BCL2L13: variants seen among roughly 807,000 people sequenced by gnomAD.
BCL2L13 encodes BCL2 like 13.
A neutral mutation model predicts 25.8 loss-of-function variants in BCL2L13; 13 were observed. That is an observed-to-expected ratio of 0.50 (90% CI 0.33 to 0.80). The LOEUF is 0.80. Ranked by LOEUF, BCL2L13 falls within the 30% of genes least tolerant of loss-of-function variation. BCL2L13 has a pLI of 0.02. For missense variants in BCL2L13, 504 were observed against 574.9 expected, an observed-to-expected ratio of 0.88 and a Z score of 1.26; for synonymous variants, 244 against 230.3, an observed-to-expected ratio of 1.06 and a Z score of -0.54.
At chr22:17,646,948 TATATA>T (rs1568923687) in intron 1 of BCL2L13, among the ~76,000 whole-genome samples, 5 of 36,752 alleles carry the variant, frequency 1.4e-4, no homozygotes, top group African/African-American at 4.7e-4. Flanking sequence ...TATATATATA[TATATA>T]TATTTTTTTT....
At chr22:17,696,074 A>G (rs964639768) in intron 4 of BCL2L13, 67 bp from the exon 5 acceptor site, 2 of 1,127,742 alleles carry the variant, frequency 1.8e-6, no homozygotes, top group Admixed American at 1.7e-5. Flanking sequence ...GTGACTGTAT[A>G]TGTATTCATC....
At chr22:17,645,378 C>T (rs558754637) in intron 1 of BCL2L13, among the ~76,000 whole-genome samples, 1 of 150,088 alleles carries the variant, frequency 6.7e-6, no homozygotes, top group Non-Finnish European at 1.5e-5. Context: ...CACACCATCA[C>T]GCCTGGCTAA....
chr22:17,649,413 G>A (rs896534065), intron 1 of BCL2L13, among the ~76,000 whole-genome samples: 2 of 151,574 alleles, frequency 1.3e-5, no homozygotes, highest in African/African-American at 4.9e-5. Context: ...TTAATTTAAA[G>A]CATTTATTCA....
chr22:17,715,122 T>TTATATATATATATA (rs1371492072), intron 6 of BCL2L13, among the ~76,000 whole-genome samples: 16 of 52,966 alleles, frequency 3.0e-4, no homozygotes, highest in Non-Finnish European at 4.7e-4. Flanking sequence ...AGTGTTAATT[T>TTATATATATATATA]TATATATATA....
At chr22:17,713,958 C>T (rs957409452) in intron 6 of BCL2L13, among the ~76,000 whole-genome samples, 1 of 150,912 alleles carries the variant, frequency 6.6e-6, no homozygotes, top group African/African-American at 2.4e-5. Context: ...CTGGCCAACA[C>T]CATGGTGATA....
At chr22:17,629,682 C>T (rs1601409884) in intron 1 of BCL2L13, among the ~76,000 whole-genome samples, 1 of 152,040 alleles carries the variant, frequency 6.6e-6, no homozygotes, top group African/African-American at 2.4e-5. Flanking sequence ...CTATGGTTAC[C>T]CACCATTTTT....
At chr22:17,631,683 TATATATATATATATATATATA>T (rs1601420065) in intron 1 of BCL2L13, among the ~76,000 whole-genome samples, 2 of 31,830 alleles carry the variant, frequency 6.3e-5, no homozygotes, top group African/African-American at 1.6e-4. Context: ...TATATATATA[TATATATATATATATATATATA>T]TATTTTTTTT....
At chr22:17,720,182 C>CTTTCTTT (rs372538984) in intron 6 of BCL2L13, among the ~76,000 whole-genome samples, 5 of 151,098 alleles carry the variant, frequency 3.3e-5, no homozygotes, top group East Asian at 1.9e-4. Context: ...TTCTTTCTTT[C>CTTTCTTT]GTTAGAGACA....
chr22:17,680,450 A>G (rs1023817258), intron 2 of BCL2L13, among the ~76,000 whole-genome samples: 9 of 132,052 alleles, frequency 6.8e-5, no homozygotes, highest in Admixed American at 1.8e-4. Context: ...TGGAGCTTGC[A>G]GTGAGCCGAG....
chr22:17,659,549 T>C (rs1442981340), intron 2 of BCL2L13, among the ~76,000 whole-genome samples: 1 of 144,900 alleles, frequency 6.9e-6, no homozygotes, highest in Admixed American at 6.9e-5. Context: ...TAGTCCCAGC[T>C]ACTTAGGAGG....
chr22:17,717,332 C>T (rs1024855216), intron 6 of BCL2L13, among the ~76,000 whole-genome samples: 7 of 135,924 alleles, frequency 5.1e-5, no homozygotes, highest in African/African-American at 1.8e-4. Flanking sequence ...GAAGAGTTAG[C>T]CAGGTGTGGT....
At chr22:17,701,207 A>G (rs1327862811) in intron 5 of BCL2L13, among the ~76,000 whole-genome samples, 1 of 152,126 alleles carries the variant, frequency 6.6e-6, no homozygotes, top group Non-Finnish European at 1.5e-5. Context: ...GGCATCTTTT[A>G]TGTTTGACTT....
rs1274844920 is a variant in BCL2L13 at position 17,678,891 on chromosome 22, T to C, written c.122-4323T>C. 2.6e-5 allele frequency among the ~76,000 whole-genome samples: 4 copies of C among 152,180 alleles called. No individual in the cohort carries two copies. In the East Asian group the frequency reaches 7.7e-4, roughly 29 times the overall value. On this transcript the variant is annotated intron_variant, in intron 2 of 6. Coordinates refer to ENST00000317582, the MANE Select transcript of BCL2L13 (RefSeq NM_015367.4). ...GTGGCCCAGTTCATGCTGCTTTTTG[T>C]TAGCTTGTTTGGTTTTTCTGCTGAA...
chr22:17,681,891 A>G (rs2059766522), intron 2 of BCL2L13, among the ~76,000 whole-genome samples: 1 of 152,182 alleles, frequency 6.6e-6, no homozygotes, highest in South Asian at 2.1e-4. Flanking sequence ...TTTCACCTGC[A>G]AACTGAGGAT....
At chr22:17,706,633 A>G (rs2060599649) in intron 6 of BCL2L13, 2 of 1,247,784 alleles carry the variant, frequency 1.6e-6, no homozygotes, top group East Asian at 4.8e-5. Context: ...TCTGATCACC[A>G]TTTCCTCTTA....
intron 2 of BCL2L13, among the ~76,000 whole-genome samples, chr22:17,669,492 T>A (rs1475439701): frequency 6.6e-6 from 1 of 152,168 alleles, no homozygotes; most frequent in Non-Finnish European, 1.5e-5. Flanking sequence ...GGAGGTGCCA[T>A]GCTCTTTTTA....
At chr22:17,714,996 G>C (rs1337861368) in intron 6 of BCL2L13, among the ~76,000 whole-genome samples, 1 of 151,148 alleles carries the variant, frequency 6.6e-6, no homozygotes, top group Non-Finnish European at 1.5e-5. Context: ...ATAAGGAAAA[G>C]AAAAGAATGT....
At chr22:17,638,642 A>G, upstream of BCL2L13, 3 of 1,221,518 alleles carry the variant, frequency 2.5e-6, no homozygotes, top group Non-Finnish European at 1.0e-6. Context: ...CTGGACGGAG[A>G]GACCTCCGGG....
chr22:17,629,775 ATTG>A (rs908046930), intron 1 of BCL2L13, among the ~76,000 whole-genome samples: 1 of 151,798 alleles, frequency 6.6e-6, no homozygotes, highest in Admixed American at 6.6e-5. Context: ...AGATTCAACA[ATTG>A]TTAACATTTT....
Sources: gnomAD v4.1 joint callset for allele counts (sites outside exome capture counted in the v4.1 genomes callset) on GRCh38, gnomAD v4.1.1 for gene constraint, MANE v1.5 for transcripts, NCBI Gene and HGNC (gene_info 2026-07-23, HGNC 2026-07-21) for gene names.